GXYLT2: variants seen among roughly 807,000 people sequenced by gnomAD.
GXYLT2 encodes glucoside xylosyltransferase 2, also known as glycosyltransferase 8 domain containing 4.
In GXYLT2, 53 loss-of-function variants were observed where a neutral mutation model predicts 45.8. The observed-to-expected ratio is 1.16, with a 90% CI of 0.93 to 1.46. GXYLT2 has a LOEUF of 1.46. Ranked by LOEUF, GXYLT2 falls within the 40% of genes most tolerant of loss-of-function variation. The pLI, the probability that GXYLT2 is intolerant of heterozygous loss-of-function variation, is 0.00. For synonymous variants in GXYLT2, 219 were observed against 214.2 expected, an observed-to-expected ratio of 1.02 and a Z score of -0.19; for missense variants, 551 against 544.4, an observed-to-expected ratio of 1.01 and a Z score of -0.12.
At chr3:72,953,861 G>C (rs971130754) in intron 3 of GXYLT2, among the ~76,000 whole-genome samples, 1 of 152,152 alleles carries the variant, frequency 6.6e-6, no homozygotes, top group African/African-American at 2.4e-5. Context: ...TGGGAGGCCA[G>C]GGTGGGAGGA....
At chr3:72,909,337 T>C (rs752822358) in intron 2 of GXYLT2, among the ~76,000 whole-genome samples, 1 of 152,042 alleles carries the variant, frequency 6.6e-6, no homozygotes, top group Non-Finnish European at 1.5e-5. Flanking sequence ...CCCAAAGTGC[T>C]GGGATTACAG....
At chr3:72,940,875 T>A (rs917454833) in intron 3 of GXYLT2, among the ~76,000 whole-genome samples, 1 of 152,096 alleles carries the variant, frequency 6.6e-6, no homozygotes, top group Non-Finnish European at 1.5e-5. Context: ...AAAGATTGGA[T>A]CTGTATGTTG....
Position 72,975,209 on chromosome 3 carries a change from A to G in GXYLT2, c.*50A>G, listed in dbSNP as rs1247153605. ...TTAGGTGTCTTGTGACCAAGGAAATACTAATCTCTAAGCTGCCTGGGTCTT... is the reference window on the plus strand; with the variant it reads ...TTAGGTGTCTTGTGACCAAGGAAATGCTAATCTCTAAGCTGCCTGGGTCTT... On this transcript the variant is annotated 3_prime_UTR_variant, in exon 7 of 7. Transcript: ENST00000389617. 1.4e-6 allele frequency: 2 copies of G among 1,382,120 alleles called. No homozygotes were observed. The highest frequency in any genetic ancestry group is 2.4e-5 in the East Asian group (1 of 42,462). The allele number at this position is 1,382,120 out of a possible 1,614,324, so 85.6% of individuals were successfully genotyped here.
chr3:72,913,991 C>T (rs181352250), intron 2 of GXYLT2, among the ~76,000 whole-genome samples: 4 of 152,066 alleles, frequency 2.6e-5, no homozygotes, highest in South Asian at 2.1e-4. Context: ...ATAGAACAGC[C>T]GTTTTGGGTC....
chr3:72,905,023 C>T (rs1363477244), intron 1 of GXYLT2, among the ~76,000 whole-genome samples: 1 of 140,774 alleles, frequency 7.1e-6, no homozygotes, highest in African/African-American at 2.7e-5. Context: ...TGAAATTGCA[C>T]CACTGCACTC....
At chr3:72,925,062 A>G (rs1041052974) in intron 3 of GXYLT2, among the ~76,000 whole-genome samples, 2 of 152,126 alleles carry the variant, frequency 1.3e-5, no homozygotes, top group Admixed American at 1.3e-4. Flanking sequence ...TTTCCTACGC[A>G]GAGACCTGTG....
intron 3 of GXYLT2, among the ~76,000 whole-genome samples, chr3:72,949,502 C>CTTTTTTTTTTTTTT (rs56323434): frequency 7.4e-4 from 54 of 72,622 alleles, no homozygotes; most frequent in Non-Finnish European, 9.6e-4. Context: ...CTTTCTTTTT[C>CTTTTTTTTTTTTTT]TTTTTTTTTT....
chr3:72,913,766 A>G (rs961640298), intron 2 of GXYLT2, among the ~76,000 whole-genome samples: 1 of 152,188 alleles, frequency 6.6e-6, no homozygotes, highest in African/African-American at 2.4e-5. Context: ...TTTCTTGTCC[A>G]TGCAGGGATT....
intron 3 of GXYLT2, among the ~76,000 whole-genome samples, chr3:72,943,080 A>G (rs989422112): frequency 1.3e-5 from 2 of 152,222 alleles, no homozygotes; most frequent in African/African-American, 4.8e-5. Context: ...ACAGCCAGAC[A>G]CAGTGGGTGA....
At position 72,975,356 on chromosome 3, in the gene GXYLT2, AT is replaced by A; in HGVS notation, c.*200del. ...TCCTTATTTTTTTTTCTAAAATGCTATTTATCTCTAAGGAAAAAAAAAAAAG... is the reference window on the plus strand; with the variant it reads ...TCCTTATTTTTTTTTCTAAAATGCTATTATCTCTAAGGAAAAAAAAAAAAG... On this transcript the variant is annotated 3_prime_UTR_variant, in exon 7 of 7. Coordinates refer to ENST00000389617, the MANE Select transcript of GXYLT2 (RefSeq NM_001080393.2). 2.7e-6 allele frequency: 1 copy of A among 371,762 alleles called. No homozygotes were observed. Among genetic ancestry groups the A allele is most frequent in the Non-Finnish European group, 4.6e-6 (1 of 219,452 alleles). The allele number at this position is 371,762 out of a possible 1,614,324, so 23.0% of individuals were successfully genotyped here. A position where few individuals can be genotyped will look rare whatever the true frequency, so the allele number is the denominator to read the frequency against.
chr3:72,945,848 ACACTAATCACAGTTTTAATACTG>A (rs1710392527), intron 3 of GXYLT2, among the ~76,000 whole-genome samples: 1 of 152,238 alleles, frequency 6.6e-6, no homozygotes, highest in South Asian at 2.1e-4. Flanking sequence ...ATTAATTTTC[ACACTAATCACAGTTTTAATACTG>A]CACTAATCAC....
intron 1 of GXYLT2, among the ~76,000 whole-genome samples, chr3:72,894,975 C>T (rs901498629): frequency 5.3e-5 from 8 of 152,184 alleles, no homozygotes; most frequent in African/African-American, 1.7e-4. Context: ...CGCCAGGTCT[C>T]GTTTGCTGGC....
chr3:72,931,377 C>A (rs2107114068), intron 3 of GXYLT2, among the ~76,000 whole-genome samples: 1 of 151,824 alleles, frequency 6.6e-6, no homozygotes, highest in Non-Finnish European at 1.5e-5. Flanking sequence ...CTACAGGTGC[C>A]CGTCACCACA....
intron 5 of GXYLT2, among the ~76,000 whole-genome samples, chr3:72,966,424 G>T (rs1575817854): frequency 1.4e-5 from 2 of 142,710 alleles, no homozygotes; most frequent in Admixed American, 7.0e-5. Context: ...GATTACAACT[G>T]CTAACACTAT....
At chr3:72,955,059 C>A (rs11706516) in intron 3 of GXYLT2, 39 bp from the exon 4 acceptor site, 1 of 1,595,790 alleles carries the variant, frequency 6.3e-7, no homozygotes, top group Non-Finnish European at 8.6e-7. Context: ...TTGTTTTCTT[C>A]CCTCCTCTCC....
intron 1 of GXYLT2, among the ~76,000 whole-genome samples, chr3:72,905,716 A>G (rs1469113076): frequency 6.6e-6 from 1 of 152,128 alleles, no homozygotes; most frequent in Non-Finnish European, 1.5e-5. Flanking sequence ...TGGCTCTCCA[A>G]AGTGTTCAGT....
At chr3:72,912,297 A>G (rs774056593) in intron 2 of GXYLT2, among the ~76,000 whole-genome samples, 2 of 152,042 alleles carry the variant, frequency 1.3e-5, no homozygotes, top group Non-Finnish European at 2.9e-5. Context: ...GGCATGAGTC[A>G]CTGTGCCCAG....
chr3:72,966,125 C>A (rs1387863926), intron 5 of GXYLT2, among the ~76,000 whole-genome samples: 1 of 151,882 alleles, frequency 6.6e-6, no homozygotes, highest in East Asian at 1.9e-4. Context: ...TTTACAGGCT[C>A]CTGCCTCCAT....
At chr3:72,940,385 A>G (rs910055773) in intron 3 of GXYLT2, among the ~76,000 whole-genome samples, 2 of 152,204 alleles carry the variant, frequency 1.3e-5, no homozygotes, top group African/African-American at 4.8e-5. Flanking sequence ...TTCAGGCAGT[A>G]ATAAGAATTA....
Sources: gnomAD v4.1 joint callset for allele counts (sites outside exome capture counted in the v4.1 genomes callset) on GRCh38, gnomAD v4.1.1 for gene constraint, MANE v1.5 for transcripts, NCBI Gene and HGNC (gene_info 2026-07-23, HGNC 2026-07-21) for gene names.